Variants in GPR180 observed in about 807,000 individuals in gnomAD.
GPR180 encodes the protein G protein-coupled receptor 180.
GPR180 carries 53 observed loss-of-function variants against 52.6 expected under a neutral mutation model. That is an observed-to-expected ratio of 1.01 (90% confidence interval 0.81 to 1.27). The LOEUF (loss-of-function observed/expected upper bound fraction) is 1.27, where lower values mean the gene tolerates loss of function less well. GPR180 is among the 50% of genes most tolerant of loss of function. The pLI, the probability that GPR180 is intolerant of heterozygous loss-of-function variation, is 0.00. For synonymous variants in GPR180, 200 were observed against 193.1 expected (o/e 1.04, Z -0.30); for missense variants, 533 against 527.0 (o/e 1.01, Z -0.11).
In GPR180 at chr13:94,632,875, T is replaced by G. The variant is rs761346658; in HGVS notation, c.*5704T>G. On this transcript the variant is annotated 3_prime_UTR_variant, in exon 9 of 9. Coordinates refer to ENST00000376958, the MANE Select transcript of GPR180 (RefSeq NM_180989.6). ...AGCTTTATATAGAGATTGAGTCAATTAATCATGCCTGTCATGAAACCCCGA... is the reference window on the plus strand; with the variant it reads ...AGCTTTATATAGAGATTGAGTCAATGAATCATGCCTGTCATGAAACCCCGA... 2.6e-5 allele frequency: 4 copies of G among 152,184 alleles called. No individual in the cohort carries two copies. The highest frequency in any genetic ancestry group is 4.4e-5 in the Non-Finnish European group (3 of 68,050). The allele number at this position is 152,184 out of a possible 1,614,324, so 9.4% of individuals were successfully genotyped here. A position where few individuals can be genotyped will look rare whatever the true frequency, so the allele number is the denominator to read the frequency against.
chr13:94,610,445 A>G (rs1166346927), intron 2 of GPR180, among the ~76,000 whole-genome samples: 1 of 152,214 alleles, frequency 6.6e-6, no homozygotes, highest in Non-Finnish European at 1.5e-5. Context: ...CTCTTTCCAT[A>G]TACTTTTCAT....
chr13:94,626,092 T>A lies in GPR180; in HGVS notation c.1164+49T>A, dbSNP rs201369926. 6 of 1,263,806 alleles carry A rather than the reference T, an allele frequency of 4.7e-6. No individual in the cohort carries two copies. In the East Asian group the frequency reaches 1.4e-4, roughly 30 times the overall value. The allele number at this position is 1,263,806 out of a possible 1,614,324, so 78.3% of individuals were successfully genotyped here. A position where few individuals can be genotyped will look rare whatever the true frequency, so the allele number is the denominator to read the frequency against. On this transcript the variant is annotated intron_variant, in intron 8 of 8. Coordinates refer to ENST00000376958, the MANE Select transcript of GPR180 (RefSeq NM_180989.6). ...TAGTTTTCTTAATGAAAATATTGTCTTAATTGGGAGAATATTTAAATAGGA... is the reference window on the plus strand; with the variant it reads ...TAGTTTTCTTAATGAAAATATTGTCATAATTGGGAGAATATTTAAATAGGA...
chr13:94,602,069 C>A lies in GPR180; in HGVS notation c.142C>A (p.His48Asn). ...CCAGCGCATCGGCCACTTCGAGTTC[C>A]ATGGTAGGTCTGGGGGCGGGGAGGG... ...QGQRIGHFEF[H>N]GDHALLCVRI... Residue 48 changes from histidine to asparagine, a missense_variant, in exon 1 of 9, where the codon CAT becomes AAT. Coordinates refer to ENST00000376958, the MANE Select transcript of GPR180 (RefSeq NM_180989.6). 7.2e-7 allele frequency: 1 copy of A among 1,381,470 alleles called. No homozygotes were observed. Among genetic ancestry groups the A allele is most frequent in the East Asian group, 2.9e-5 (1 of 34,960 alleles). 85.6% of individuals were successfully genotyped at this position (1,381,470 alleles called of 1,614,324 possible).
chr13:94,627,051 C>T lies in GPR180; in HGVS notation c.1203C>T (p.Ser401=). The change falls in exon 9 of 9, where the codon TCC becomes TCT. Residue 401 remains serine, a synonymous_variant. Coordinates refer to ENST00000376958, the MANE Select transcript of GPR180 (RefSeq NM_180989.6). ...GTGTTATCCTTTGCCAGTCTGTTTC[C>T]ATGGTTATTCTCTACAGACTCTTTC... is the stretch of plus-strand genomic sequence containing the variant. ...TIGVILCQSV[S]MVILYRLFLS... The T allele has an allele frequency of 1.2e-6, 2 of 1,608,980 alleles. No homozygotes were observed. The highest frequency in any genetic ancestry group is 2.2e-5 in the South Asian group (2 of 90,410).
chr13:94,602,482 C>CTTT lies in GPR180; in HGVS notation c.145+428_145+430dup, dbSNP rs34288293. On this transcript the variant is annotated intron_variant, in intron 1 of 8. Coordinates refer to ENST00000376958, the MANE Select transcript of GPR180 (RefSeq NM_180989.6). ...ATTTAACCCTAGAAACTTAAATTTC[C>CTTT]TTTTTTTTTTTTTTTTTTTTAAAGA... Among the ~76,000 whole-genome samples, 598 of 134,446 alleles carry CTTT rather than the reference C, an allele frequency of 4.4e-3. 5 individuals carry two copies. Among genetic ancestry groups the CTTT allele is most frequent in the Middle Eastern group, 0.02 (5 of 252 alleles). The allele number at this position is 134,446 out of a possible 152,430, so 88.2% of individuals were successfully genotyped here. A position where few individuals can be genotyped will look rare whatever the true frequency, so the allele number is the denominator to read the frequency against.
chr13:94,610,363 T>G (rs567950626), intron 2 of GPR180, among the ~76,000 whole-genome samples: 4 of 152,364 alleles, frequency 2.6e-5, no homozygotes, highest in African/African-American at 9.6e-5. Context: ...TTGACATGTT[T>G]TGGGTGCAAT....
chr13:94,611,475 A>G (rs1331538434), intron 2 of GPR180, among the ~76,000 whole-genome samples: 1 of 152,190 alleles, frequency 6.6e-6, no homozygotes, highest in Non-Finnish European at 1.5e-5. Flanking sequence ...AGCATTGTGT[A>G]TATTTTACCA....
chr13:94,605,700 A>G (rs1889621086), intron 2 of GPR180, 151 bp downstream of exon 2: 3 of 592,836 alleles, frequency 5.1e-6, no homozygotes, highest in Non-Finnish European at 8.2e-6. Flanking sequence ...CTGAGTTTTA[A>G]CAGTGCCTTT....
rs150746593 is a variant in GPR180, at chr13:94,621,143, A to G, written c.802A>G (p.Ile268Val). The G allele has an allele frequency of 2.5e-6, 4 of 1,612,834 alleles. No homozygotes were observed. Among genetic ancestry groups the G allele is most frequent in the Non-Finnish European group, 3.4e-6 (4 of 1,179,762 alleles). ...LLLSLCMGWT[I>V]VRMKKSQSRP... is the part of the protein sequence containing the mutation. ...TTTGAGTCTATGCATGGGTTGGACAATAGTCAGAATGAAGAAGTCTCAAAG... is the reference window on the plus strand; with the variant it reads ...TTTGAGTCTATGCATGGGTTGGACAGTAGTCAGAATGAAGAAGTCTCAAAG... The change falls in exon 6 of 9, where the codon ATA (isoleucine) becomes GTA (valine). Residue 268 changes from isoleucine (I) to valine (V), a missense_variant. Coordinates refer to ENST00000376958, the MANE Select transcript of GPR180 (RefSeq NM_180989.6).
chr13:94,623,438 T>A, intron 7 of GPR180, 138 bp downstream of exon 7: 1 of 645,268 alleles, frequency 1.5e-6, no homozygotes. Context: ...ATAATCCCAG[T>A]GCTTTGGAAG....
intron 1 of GPR180, among the ~76,000 whole-genome samples, chr13:94,603,473 C>G (rs1889586588): frequency 1.3e-5 from 2 of 152,286 alleles, no homozygotes; most frequent in South Asian, 4.1e-4. Context: ...TGCGTTCATT[C>G]TGTTTCATAT....
intron 1 of GPR180, 68 bp downstream of exon 1, chr13:94,602,140 G>T (rs1223815437): frequency 7.2e-5 from 89 of 1,238,282 alleles, no homozygotes; most frequent in Non-Finnish European, 8.8e-5. Flanking sequence ...TCCGCCGGCC[G>T]CTCCTCCCGG....
At position 94,633,094 on chromosome 13, in the gene GPR180, A is replaced by G. The variant is rs1657192818; in HGVS notation, c.*5923A>G. The G allele has an allele frequency of 6.6e-6, 1 of 152,180 alleles. No individual in the cohort carries two copies. Among genetic ancestry groups the G allele is most frequent in the Non-Finnish European group, 1.5e-5 (1 of 68,052 alleles). The allele number at this position is 152,180 out of a possible 1,614,324, so 9.4% of individuals were successfully genotyped here. ...GCTATAATAAACTGTAATAGTACGC[A>G]TAGCACTTTGCTGAGTTCTGTGAGT... On this transcript the variant is annotated 3_prime_UTR_variant, in exon 9 of 9. Coordinates refer to ENST00000376958, the MANE Select transcript of GPR180 (RefSeq NM_180989.6).
Position 94,601,888 on chromosome 13 carries a change from G to A in GPR180, c.-40G>A, listed in dbSNP as rs539773614. The stretch of plus-strand genomic sequence containing the variant: ...CGACGTGGGGCGGGCAGCCGCCGGC[G>A]GCTGGGAGCCGAGGCGTCGGTGCAG... On this transcript the variant is annotated 5_prime_UTR_variant, in exon 1 of 9. Coordinates refer to ENST00000376958, the MANE Select transcript of GPR180 (RefSeq NM_180989.6). 1.1e-4 allele frequency: 155 copies of A among 1,350,534 alleles called. No individual in the cohort carries two copies. Among genetic ancestry groups the A allele is most frequent in the Non-Finnish European group, 1.4e-4 (145 of 1,050,812 alleles). The allele number at this position is 1,350,534 out of a possible 1,614,324, so 83.7% of individuals were successfully genotyped here. A position where few individuals can be genotyped will look rare whatever the true frequency, so the allele number is the denominator to read the frequency against.
At chr13:94,611,841 A>G (rs1433949224) in intron 2 of GPR180, among the ~76,000 whole-genome samples, 1 of 151,890 alleles carries the variant, frequency 6.6e-6, no homozygotes, top group Non-Finnish European at 1.5e-5. Context: ...CTCCACTGAC[A>G]GAGGAGGCCC....
chr13:94,602,535 G>C (rs1422344088), intron 1 of GPR180, among the ~76,000 whole-genome samples: 1 of 145,134 alleles, frequency 6.9e-6, no homozygotes, highest in African/African-American at 2.6e-5. Context: ...ACTTGCAACA[G>C]AGTGGTTTTG....
At chr13:94,622,262 T>C (rs1348491807) in intron 6 of GPR180, among the ~76,000 whole-genome samples, 5 of 152,318 alleles carry the variant, frequency 3.3e-5, no homozygotes, top group South Asian at 4.1e-4. Flanking sequence ...CCAGGACTTA[T>C]GGAGAGTAGT....
Position 94,622,320 on chromosome 13 carries a change from C to A in GPR180, c.895-789C>A, listed in dbSNP as rs549760311. 3.9e-4 allele frequency among the ~76,000 whole-genome samples: 60 copies of A among 152,170 alleles called. 2 individuals are homozygous for A. The South Asian group carries it at 0.01, about 26-fold the overall frequency. On this transcript the variant is annotated intron_variant, in intron 6 of 8. Coordinates refer to ENST00000376958, the MANE Select transcript of GPR180 (RefSeq NM_180989.6). ...ACTTTTTATTTCTTTTTAAAAATTT[C>A]ATTTTTATTATTTCATTGTAATTTT... is the stretch of plus-strand genomic sequence containing the variant.
At chr13:94,615,086 C>G (rs2139568456) in intron 3 of GPR180, among the ~76,000 whole-genome samples, 1 of 152,278 alleles carries the variant, frequency 6.6e-6, no homozygotes, top group African/African-American at 2.4e-5. Context: ...TATTCACACC[C>G]AGAGACTCAG....
Sources: gnomAD v4.1 joint callset for allele counts (sites outside exome capture counted in the v4.1 genomes callset) on GRCh38, gnomAD v4.1.1 for gene constraint, MANE v1.5 for transcripts, NCBI Gene and HGNC (gene_info 2026-07-23, HGNC 2026-07-21) for gene names.